TRMT11: variants seen among roughly 807,000 people sequenced by gnomAD.
The protein encoded by TRMT11 is tRNA (guanine(10)-N(2))-methyltransferase TRMT11.
In TRMT11, 53 loss-of-function variants were observed where a neutral mutation model predicts 62.8. The observed-to-expected ratio is 0.84, with a 90% CI of 0.68 to 1.06. The LOEUF (loss-of-function observed/expected upper bound fraction) is 1.06, where lower values mean the gene tolerates loss of function less well. TRMT11 is among the 50% of genes least tolerant of loss of function. The probability of loss-of-function intolerance (pLI) is 0.00; values close to 1 mark genes in which losing one functional copy is unlikely to be tolerated. For synonymous variants in TRMT11, 188 were observed against 190.3 expected (o/e 0.99, Z 0.10); for missense variants, 556 against 553.4 (o/e 1.00, Z -0.05).
intron 21 of TRMT11, among the ~76,000 whole-genome samples, chr6:126,147,192 A>T (rs1400345673): frequency 6.6e-6 from 1 of 152,214 alleles, no homozygotes; most frequent in Non-Finnish European, 1.5e-5. Context: ...AAGTATGAGT[A>T]AGCATATAAC....
At chr6:126,029,527 A>G (rs1773807900) in intron 12 of TRMT11, among the ~76,000 whole-genome samples, 2 of 152,168 alleles carry the variant, frequency 1.3e-5, no homozygotes, top group South Asian at 4.1e-4. Context: ...ATCTTTGTAT[A>G]AATGCATACT....
chr6:126,231,057 T>C, the TRMT11 span, among the ~76,000 whole-genome samples: 1 of 152,232 alleles, frequency 6.6e-6, no homozygotes, highest in Non-Finnish European at 1.5e-5. Context: ...ATGTGGCTGA[T>C]AAAAAATGTA....
the TRMT11 span, among the ~76,000 whole-genome samples, chr6:126,229,517 A>T: frequency 6.6e-6 from 1 of 152,230 alleles, no homozygotes; most frequent in South Asian, 2.1e-4. Context: ...CATTTAAAAG[A>T]AATGTATCCT....
Position 126,104,270 on chromosome 6 carries a change from C to T in TRMT11, c.*1438-8596C>T, listed in dbSNP as rs529176157. On this transcript the variant is annotated intron_variant and NMD_transcript_variant, in intron 17 of 22. Transcript: ENST00000648977. ...TAGTCAACTCAAGCTTTACTCTTGC[C>T]GGAGCTGAGATACAAGGCCAACTAG... is the stretch of plus-strand genomic sequence containing the variant. Among the ~76,000 whole-genome samples the T allele has an allele frequency of 1.9e-4, 29 of 152,182 alleles. No homozygotes were observed. In the South Asian group the frequency reaches 2.9e-3, roughly 15 times the overall value.
intron 17 of TRMT11, among the ~76,000 whole-genome samples, chr6:126,057,966 T>A (rs1207658369): frequency 6.6e-6 from 1 of 152,262 alleles, no homozygotes; most frequent in South Asian, 2.1e-4. Context: ...TTTCTTTTTT[T>A]TTTTCAATTA....
At chr6:125,992,112 A>G (rs1416285645) in intron 1 of TRMT11, among the ~76,000 whole-genome samples, 1 of 152,212 alleles carries the variant, frequency 6.6e-6, no homozygotes, top group Non-Finnish European at 1.5e-5. Context: ...TTCCAAGTAG[A>G]TTGATGAAGT....
intron 3 of TRMT11, among the ~76,000 whole-genome samples, chr6:126,200,640 C>T (rs553936901): frequency 5.9e-5 from 9 of 152,262 alleles, no homozygotes; most frequent in South Asian, 2.1e-4. Flanking sequence ...CTGCAAGCTC[C>T]GCCTCTTGGG....
At chr6:126,229,179 G>T in the TRMT11 span, among the ~76,000 whole-genome samples, 5 of 152,136 alleles carry the variant, frequency 3.3e-5, no homozygotes, top group African/African-American at 1.2e-4. Flanking sequence ...TTAAACAGAG[G>T]TTTTAAACTT....
chr6:126,021,210 A>C lies in TRMT11; in HGVS notation c.1190A>C (p.Asn397Thr). ...PWHPCLELVS[N>T]CEQKLSSHTS... ...CACCCTTGCCTGGAACTCGTTAGCA[A>C]CTGCGAGCAGAAGCTTTCCAGTCAC... Residue 397 changes from asparagine to threonine, a missense_variant, in exon 12 of 13, where the codon AAC (asparagine) becomes ACC (threonine). By Grantham distance (65) the Asn-to-Thr change is moderately conservative. Transcript: ENST00000334379. 3 of 1,614,220 alleles carry C rather than the reference A, an allele frequency of 1.9e-6. No homozygotes were observed. Among genetic ancestry groups the C allele is most frequent in the Non-Finnish European group, 2.5e-6 (3 of 1,180,020 alleles).
intron 21 of TRMT11, among the ~76,000 whole-genome samples, chr6:126,167,115 G>A (rs979522177): frequency 6.6e-6 from 1 of 152,100 alleles, no homozygotes; most frequent in African/African-American, 2.4e-5. Context: ...CCTTTCCAGG[G>A]GAGTGAATGG....
intron 11 of TRMT11, among the ~76,000 whole-genome samples, chr6:126,017,417 CT>C (rs1451943940): frequency 6.6e-6 from 1 of 152,174 alleles, no homozygotes; most frequent in Non-Finnish European, 1.5e-5. Flanking sequence ...GATTTTCTCA[CT>C]GTTTGACAAT....
intron 11 of TRMT11, among the ~76,000 whole-genome samples, chr6:126,019,346 A>T (rs1795468198): frequency 6.6e-6 from 1 of 152,180 alleles, no homozygotes; most frequent in South Asian, 2.1e-4. Context: ...CTGCTGTTAA[A>T]ACCAAATGCA....
chr6:126,205,458 C>T (rs561736578), downstream of TRMT11, among the ~76,000 whole-genome samples: 6 of 152,092 alleles, frequency 3.9e-5, no homozygotes, highest in African/African-American at 1.4e-4. Context: ...GAGCTGAGCT[C>T]GTGCCACTGC....
intron 1 of TRMT11, among the ~76,000 whole-genome samples, chr6:126,185,343 T>C (rs1778515075): frequency 6.6e-6 from 1 of 152,138 alleles, no homozygotes; most frequent in African/African-American, 2.4e-5. Context: ...TCATGCTCTT[T>C]TTTCAGGGGA....
At chr6:126,114,351 A>G (rs1258711712) in intron 18 of TRMT11, among the ~76,000 whole-genome samples, 2 of 152,096 alleles carry the variant, frequency 1.3e-5, no homozygotes, top group African/African-American at 4.8e-5. Flanking sequence ...AGAACTATCC[A>G]GAATCCCAGT....
the TRMT11 span, among the ~76,000 whole-genome samples, chr6:126,227,364 A>G: frequency 6.6e-6 from 1 of 152,178 alleles, no homozygotes; most frequent in Non-Finnish European, 1.5e-5. Context: ...TTGGTATTCC[A>G]GGATTCGAGG....
chr6:126,068,317 C>T (rs1562313978), intron 17 of TRMT11, among the ~76,000 whole-genome samples: 1 of 151,972 alleles, frequency 6.6e-6, no homozygotes, highest in Admixed American at 6.6e-5. Flanking sequence ...ATGGTGAGAA[C>T]CTTTTTGTGT....
chr6:126,041,705 T>C (rs1775884501), downstream of TRMT11, among the ~76,000 whole-genome samples: 1 of 152,152 alleles, frequency 6.6e-6, no homozygotes, highest in Non-Finnish European at 1.5e-5. Context: ...AAGCAAGGCA[T>C]AAATAAACTC....
intron 17 of TRMT11, among the ~76,000 whole-genome samples, chr6:126,054,409 G>T (rs1031883785): frequency 4.6e-5 from 7 of 152,154 alleles, no homozygotes; most frequent in African/African-American, 1.7e-4. Flanking sequence ...TTACACTGTG[G>T]TAAGAGATTG....
Sources: allele counts gnomAD v4.1 joint callset (sites outside exome capture counted in the v4.1 genomes callset), GRCh38; gene constraint gnomAD v4.1.1; transcripts MANE v1.5; gene names NCBI Gene and HGNC (gene_info 2026-07-23, HGNC 2026-07-21).